The following NLGN1 variants were observed in gnomAD, a reference collection of about 807,000 sequenced individuals.
NLGN1 encodes neuroligin-1.
A neutral mutation model predicts 65.5 loss-of-function variants in NLGN1; 12 were observed. That is an observed-to-expected ratio of 0.18 (90% CI 0.12 to 0.30). The LOEUF (loss-of-function observed/expected upper bound fraction) is 0.30. NLGN1 is among the 10% of genes least tolerant of loss of function. NLGN1 has a pLI of 1.00. For missense variants in NLGN1, 750 were observed against 1,007.1 expected, an observed-to-expected ratio of 0.74 and a Z score of 3.46; for synonymous variants, 350 against 359.5, an observed-to-expected ratio of 0.97 and a Z score of 0.30.
chr3:173,524,322 G>C (rs756119466), intron 2 of NLGN1, among the ~76,000 whole-genome samples: 1 of 151,966 alleles, frequency 6.6e-6, no homozygotes, highest in Non-Finnish European at 1.5e-5. Flanking sequence ...TTTTCTTTGT[G>C]CCTGTTGTAA....
At chr3:173,956,167 C>A (rs1040708979) in intron 4 of NLGN1, among the ~76,000 whole-genome samples, 2 of 151,912 alleles carry the variant, frequency 1.3e-5, no homozygotes, top group African/African-American at 4.8e-5. Context: ...CCAAGCCTGT[C>A]TTTTTAAAAT....
chr3:173,620,032 A>G (rs1001975561), intron 3 of NLGN1, among the ~76,000 whole-genome samples: 2 of 152,148 alleles, frequency 1.3e-5, no homozygotes, highest in African/African-American at 2.4e-5. Context: ...TGGGATCCAG[A>G]TGTCTCCGGA....
chr3:173,955,572 G>A (rs1031989362), intron 4 of NLGN1, among the ~76,000 whole-genome samples: 1 of 152,104 alleles, frequency 6.6e-6, no homozygotes, highest in African/African-American at 2.4e-5. Flanking sequence ...CAGCTTCCTT[G>A]CCAATCAAAT....
intron 4 of NLGN1, among the ~76,000 whole-genome samples, chr3:173,851,024 A>G (rs2150737431): frequency 6.6e-6 from 1 of 152,186 alleles, no homozygotes; most frequent in East Asian, 1.9e-4. Context: ...GGATTACAGA[A>G]ATGAGCCACA....
At chr3:173,718,638 A>G (rs1033038522) in intron 3 of NLGN1, among the ~76,000 whole-genome samples, 1 of 152,290 alleles carries the variant, frequency 6.6e-6, no homozygotes, top group Admixed American at 6.5e-5. Context: ...AAAATGCAAC[A>G]GATTATGATT....
At chr3:174,218,787 G>A (rs1033372070) in intron 4 of NLGN1, among the ~76,000 whole-genome samples, 2 of 151,944 alleles carry the variant, frequency 1.3e-5, no homozygotes, top group African/African-American at 4.8e-5. Context: ...TTGCTTTCTT[G>A]GCTCTTGACA....
rs1353752584 is a variant in NLGN1, at chr3:173,918,698, GTGTGTATATA to G, written c.646+110868_646+110877del. 1.6e-3 allele frequency among the ~76,000 whole-genome samples: 162 copies of G among 102,574 alleles called. 1 individual carries two copies. Among genetic ancestry groups the G allele is most frequent in the African/African-American group, 5.9e-3 (153 of 26,078 alleles). The allele number at this position is 102,574 out of a possible 152,430, so 67.3% of individuals were successfully genotyped here. ...TGTGTGTGTGTGTGTGTGTGTGTGTGTGTGTATATATATATATTGCATAGAATGGTAACGT... is the reference window on the plus strand; with the variant it reads ...TGTGTGTGTGTGTGTGTGTGTGTGTGTATATATTGCATAGAATGGTAACGT... On this transcript the variant is annotated intron_variant, in intron 4 of 6. Transcript: ENST00000457714.
chr3:173,864,141 T>C (rs1415831001), intron 4 of NLGN1, among the ~76,000 whole-genome samples: 1 of 152,188 alleles, frequency 6.6e-6, no homozygotes, highest in Non-Finnish European at 1.5e-5. Flanking sequence ...TGCAAGAATT[T>C]AGTGAAGTAT....
intron 2 of NLGN1, among the ~76,000 whole-genome samples, chr3:173,474,493 TAAATG>T (rs1458526316): frequency 1.3e-5 from 2 of 152,190 alleles, no homozygotes; most frequent in African/African-American, 2.4e-5. Context: ...ATGCAGCACT[TAAATG>T]AAATGTTCAA....
chr3:173,525,418 G>C (rs766409999), intron 2 of NLGN1, among the ~76,000 whole-genome samples: 2 of 152,010 alleles, frequency 1.3e-5, no homozygotes, highest in Non-Finnish European at 2.9e-5. Context: ...GACATTCATA[G>C]TATTCCTTGA....
intron 4 of NLGN1, among the ~76,000 whole-genome samples, chr3:174,147,995 C>A (rs1292727779): frequency 6.6e-6 from 1 of 152,144 alleles, no homozygotes; most frequent in Non-Finnish European, 1.5e-5. Context: ...GCCCCAATTA[C>A]CAACATTCTG....
intron 1 of NLGN1, among the ~76,000 whole-genome samples, chr3:173,411,640 G>A (rs1033605334): frequency 6.6e-6 from 1 of 152,018 alleles, no homozygotes; most frequent in African/African-American, 2.4e-5. Flanking sequence ...TTCCTTTTGT[G>A]TATATGAAGT....
intron 4 of NLGN1, chr3:174,180,859 T>C (rs1013394142): frequency 2.0e-5 from 3 of 151,962 alleles, no homozygotes; most frequent in African/African-American, 7.3e-5. Context: ...GTACAAACAA[T>C]GTATAGAACT....
chr3:174,007,582 T>A (rs992518524), intron 4 of NLGN1, among the ~76,000 whole-genome samples: 4 of 152,190 alleles, frequency 2.6e-5, no homozygotes, highest in African/African-American at 9.6e-5. Context: ...ATGTACAAAC[T>A]TATATCCCCA....
At position 174,280,999 on chromosome 3, in the gene NLGN1, C is replaced by T; in HGVS notation, c.2168C>T (p.Thr723Ile). 6.2e-7 allele frequency: 1 copy of T among 1,613,364 alleles called. No homozygotes were observed. Among genetic ancestry groups the T allele is most frequent in the Non-Finnish European group, 8.5e-7 (1 of 1,179,590 alleles). The change falls in exon 7 of 7, where the codon ACC (threonine) becomes ATC (isoleucine). Residue 723 changes from threonine to isoleucine, a missense_variant. Physicochemically the swap from Thr to Ile is moderately conservative, Grantham distance 89 (BLOSUM62 -1). Coordinates refer to ENST00000457714, the Ensembl canonical transcript of NLGN1. This position sits in a 1 kb window ranked among gnomAD's most constrained non-coding sequence, Gnocchi z 4.9. Reference sequence around the variant, plus strand: ...CAGCGCACTACTACCAATGATCTAACCCATGCACAAGAAGAGGAAATCATG... The same window carrying T: ...CAGCGCACTACTACCAATGATCTAATCCATGCACAAGAAGAGGAAATCATG...
At chr3:173,926,061 T>C (rs933943984) in intron 4 of NLGN1, among the ~76,000 whole-genome samples, 1 of 152,012 alleles carries the variant, frequency 6.6e-6, no homozygotes, top group Non-Finnish European at 1.5e-5. Flanking sequence ...AATCTAATTC[T>C]ATTTTTAAAA....
chr3:173,960,656 A>G (rs1713319918), intron 4 of NLGN1, among the ~76,000 whole-genome samples: 1 of 151,994 alleles, frequency 6.6e-6, no homozygotes, highest in South Asian at 2.1e-4. Context: ...ATTTAAATAT[A>G]AACTATACAA....
At position 173,427,048 on chromosome 3, in the gene NLGN1, T is replaced by G. The variant is rs139722356; in HGVS notation, c.-389-7962T>G. On this transcript the variant is annotated intron_variant, in intron 1 of 6. Transcript: ENST00000457714. ...TTTCTATTTCCTCATGATTCAATCTTGTAAGATTGTATGCTTCTAAGAATT... is the reference window on the plus strand; with the variant it reads ...TTTCTATTTCCTCATGATTCAATCTGGTAAGATTGTATGCTTCTAAGAATT... Among the ~76,000 whole-genome samples, 1,178 of 152,158 alleles carry G rather than the reference T, an allele frequency of 7.7e-3. 18 individuals are homozygous for G. Among genetic ancestry groups the G allele is most frequent in the African/African-American group, 0.027 (1,103 of 41,572 alleles).
At chr3:173,681,437 A>G (rs137968359) in intron 3 of NLGN1, among the ~76,000 whole-genome samples, 150 of 152,260 alleles carry the variant, frequency 9.9e-4, no homozygotes, top group African/African-American at 3.5e-3. Flanking sequence ...TCAAGCTGTT[A>G]TCAGTAATTG....
Sources: allele counts gnomAD v4.1 joint callset (sites outside exome capture counted in the v4.1 genomes callset), GRCh38; gene constraint gnomAD v4.1.1; non-coding constraint Gnocchi (gnomAD v3.1); transcripts MANE v1.5; gene names NCBI Gene and HGNC (gene_info 2026-07-23, HGNC 2026-07-21).